NBAS: variants seen among roughly 807,000 people sequenced by gnomAD.
The protein encoded by NBAS is NAG/BC035112 fusion.
NBAS carries 219 observed loss-of-function variants against 302.5 expected under a neutral mutation model. The ratio of observed to expected loss-of-function variants is 0.72; its 90% CI spans 0.65 to 0.81. The LOEUF is 0.81. Among genes scored for constraint, NBAS ranks in the 30% least tolerant of loss-of-function variants. The pLI is 0.00. For missense variants in NBAS, 2,932 were observed against 2,841.6 expected (o/e 1.03, Z -0.72); for synonymous variants, 1,118 against 1,021.6 (o/e 1.09, Z -1.80).
At chr2:15,246,283 T>C (rs1417095192) in intron 44 of NBAS, among the ~76,000 whole-genome samples, 1 of 152,252 alleles carries the variant, frequency 6.6e-6, no homozygotes, top group African/African-American at 2.4e-5. Context: ...GGAGCCTTCC[T>C]GACCTATATC....
At chr2:14,964,953 A>C in the NBAS span, among the ~76,000 whole-genome samples, 1 of 152,294 alleles carries the variant, frequency 6.6e-6, no homozygotes, top group Admixed American at 6.5e-5. Context: ...ATCAAAGAAT[A>C]AATCAAAAGG....
chr2:15,343,899 G>T (rs955515773), intron 35 of NBAS, among the ~76,000 whole-genome samples: 1 of 147,404 alleles, frequency 6.8e-6, no homozygotes, highest in African/African-American at 2.5e-5. Context: ...TACCTCAAAA[G>T]CCAGCATTAA....
At chr2:15,081,826 A>G in the NBAS span, among the ~76,000 whole-genome samples, 1 of 152,194 alleles carries the variant, frequency 6.6e-6, no homozygotes. Context: ...TGCTGCCTGG[A>G]AGGATGGCCT....
chr2:15,243,299 A>T (rs1176447477), intron 44 of NBAS, among the ~76,000 whole-genome samples: 1 of 152,066 alleles, frequency 6.6e-6, no homozygotes, highest in African/African-American at 2.4e-5. Flanking sequence ...GCCGGGCAAT[A>T]AAAAAACCCA....
chr2:14,873,891 T>G, the NBAS span, among the ~76,000 whole-genome samples: 1 of 151,972 alleles, frequency 6.6e-6, no homozygotes, highest in Non-Finnish European at 1.5e-5. Flanking sequence ...AAATTTCAAT[T>G]TATGAGAATG....
the NBAS span, among the ~76,000 whole-genome samples, chr2:14,962,925 C>A: frequency 6.6e-6 from 1 of 151,766 alleles, no homozygotes; most frequent in Non-Finnish European, 1.5e-5. Flanking sequence ...CAGGCAACCC[C>A]TCCCACAAAA....
intron 44 of NBAS, among the ~76,000 whole-genome samples, chr2:15,260,286 A>AT (rs1668788821): frequency 6.6e-6 from 1 of 152,154 alleles, no homozygotes; most frequent in Non-Finnish European, 1.5e-5. Context: ...CTAAAGTGTG[A>AT]TTTTCAGACC....
intron 47 of NBAS, among the ~76,000 whole-genome samples, chr2:15,230,206 T>C (rs1667323308): frequency 6.6e-6 from 1 of 152,062 alleles, no homozygotes. Flanking sequence ...ACAATAACCA[T>C]ATCACTGCAA....
At chr2:15,484,075 A>G (rs1247865437) in intron 12 of NBAS, among the ~76,000 whole-genome samples, 1 of 152,190 alleles carries the variant, frequency 6.6e-6, no homozygotes, top group African/African-American at 2.4e-5. Context: ...ATTTCTCTTT[A>G]AAGGATTCCA....
intron 50 of NBAS, among the ~76,000 whole-genome samples, chr2:15,183,179 T>C (rs533373033): frequency 2.0e-5 from 3 of 152,236 alleles, no homozygotes; most frequent in Non-Finnish European, 4.4e-5. Context: ...CACTTTTTAA[T>C]AGTAATGTTC....
At chr2:15,399,105 T>A (rs12692264) in intron 26 of NBAS, among the ~76,000 whole-genome samples, 92,109 of 152,052 alleles carry the variant, frequency 0.61, 28,882 homozygotes, top group Non-Finnish European at 0.68. Flanking sequence ...TACTATTTAA[T>A]AATTAATAGA....
At chr2:14,968,229 C>T in the NBAS span, among the ~76,000 whole-genome samples, 674 of 152,200 alleles carry the variant, frequency 4.4e-3, 18 homozygotes, top group Admixed American at 0.042. Flanking sequence ...ATGGGATAAC[C>T]ATGACACAGA....
chr2:15,498,229 C>T (rs1249807143), intron 11 of NBAS, among the ~76,000 whole-genome samples: 1 of 152,202 alleles, frequency 6.6e-6, no homozygotes, highest in African/African-American at 2.4e-5. Context: ...CAAACTACCA[C>T]AGATGCTAGA....
At position 15,287,113 on chromosome 2, in the gene NBAS, C is replaced by A. The variant is rs1262707438; in HGVS notation, c.5098G>T (p.Val1700Phe). ...AGGAACTCCAAATGGGTCATAAAAA[C>A]TTCCCAGCGGGAGACACTGTAACGT... ...AQRYSVSRWE[V>F]FMTHLEFLFT... Residue 1700 changes from valine to phenylalanine, a missense_variant, in exon 42 of 52, where the codon GTT (valine) becomes TTT (phenylalanine). Val to Phe is a conservative substitution (Grantham distance 50). Transcript: ENST00000281513. 6.2e-7 allele frequency: 1 copy of A among 1,613,944 alleles called. No individual in the cohort carries two copies. Among genetic ancestry groups the A allele is most frequent in the African/African-American group, 1.3e-5 (1 of 74,924 alleles).
the NBAS span, among the ~76,000 whole-genome samples, chr2:14,900,596 GTTCATTAC>G: frequency 6.6e-6 from 1 of 152,092 alleles, no homozygotes; most frequent in Non-Finnish European, 1.5e-5. Context: ...CACCCAATAA[GTTCATTAC>G]TTCTAAAATA....
chr2:14,843,274 T>C, the NBAS span, among the ~76,000 whole-genome samples: 2 of 152,114 alleles, frequency 1.3e-5, no homozygotes, highest in South Asian at 4.1e-4. Context: ...AGGATGCCCA[T>C]TTTCACAACT....
the NBAS span, among the ~76,000 whole-genome samples, chr2:14,919,511 T>C: frequency 6.6e-6 from 1 of 152,218 alleles, no homozygotes; most frequent in Non-Finnish European, 1.5e-5. Context: ...CTGCATCCAT[T>C]GACTCTTGCT....
chr2:15,490,750 C>G (rs749898841), intron 11 of NBAS, among the ~76,000 whole-genome samples: 26 of 152,214 alleles, frequency 1.7e-4, no homozygotes, highest in Non-Finnish European at 2.8e-4. Context: ...CAATCCCAAC[C>G]AGGGCACGTC....
chr2:14,989,449 T>TC, the NBAS span, among the ~76,000 whole-genome samples: 2 of 151,918 alleles, frequency 1.3e-5, no homozygotes, highest in Non-Finnish European at 2.9e-5. Context: ...TACCAGCTAC[T>TC]CGGGAGTCTG....
Sources: gnomAD v4.1 joint callset for allele counts (sites outside exome capture counted in the v4.1 genomes callset) on GRCh38, gnomAD v4.1.1 for gene constraint, MANE v1.5 for transcripts, NCBI Gene and HGNC (gene_info 2026-07-23, HGNC 2026-07-21) for gene names.